Variants in TET3 observed in about 807,000 individuals in gnomAD.
The protein encoded by TET3 is methylcytosine dioxygenase TET3.
Under a neutral mutation model 141.4 loss-of-function variants are expected in TET3, and 19 were observed. The observed-to-expected ratio is 0.13, with a 90% CI of 0.09 to 0.20. The LOEUF (loss-of-function observed/expected upper bound fraction) is 0.20. Ranked by LOEUF, TET3 falls within the 10% of genes least tolerant of loss-of-function variation. The pLI is 1.00. For missense variants in TET3, 1,874 were observed against 2,356.9 expected (o/e 0.80, Z 4.24); for synonymous variants, 1,043 against 980.9 (o/e 1.06, Z -1.18).
chr2:74,097,452 C>T (rs1005539180), intron 10 of TET3, among the ~76,000 whole-genome samples: 7 of 152,006 alleles, frequency 4.6e-5, no homozygotes, highest in African/African-American at 1.5e-4. Flanking sequence ...TAAAATGGGC[C>T]AAGGATTGAT....
chr2:74,089,840 T>C (rs761755139), intron 7 of TET3, 57 bp from the exon 8 acceptor site: 91 of 1,591,158 alleles, frequency 5.7e-5, no homozygotes, highest in Non-Finnish European at 6.9e-5. Flanking sequence ...GGAGGAGGAA[T>C]ACTCCAGAAC....
intron 3 of TET3, among the ~76,000 whole-genome samples, chr2:74,031,235 G>A (rs1433211124): frequency 7.2e-5 from 11 of 152,054 alleles, no homozygotes; most frequent in Non-Finnish European, 5.9e-5. Flanking sequence ...GGACGGAGGA[G>A]GAAAAGGAGA....
chr2:74,018,278 T>C (rs1488538541), intron 3 of TET3, among the ~76,000 whole-genome samples: 3 of 151,812 alleles, frequency 2.0e-5, no homozygotes, highest in Non-Finnish European at 4.4e-5. Flanking sequence ...TCTTCTGTCA[T>C]CTTAAGTGAG....
intron 3 of TET3, among the ~76,000 whole-genome samples, chr2:74,025,007 A>G (rs916250956): frequency 6.6e-6 from 1 of 151,770 alleles, no homozygotes; most frequent in African/African-American, 2.4e-5. Flanking sequence ...GTGGATCATG[A>G]AGTCAGGAGA....
At chr2:74,065,478 T>A (rs1476490519) in intron 4 of TET3, among the ~76,000 whole-genome samples, 1 of 152,074 alleles carries the variant, frequency 6.6e-6, no homozygotes, top group Non-Finnish European at 1.5e-5. Context: ...ACAAGAAATA[T>A]CCAGGGCACA....
rs1427804582 is a variant in TET3, at chr2:74,100,668, C to G, written c.3880C>G (p.Pro1294Ala). ...FSYYGFPSSNPVFPSQFLGPG... is the reference protein window; with the variant it reads ...FSYYGFPSSNAVFPSQFLGPG... Reference sequence around the variant, plus strand: ...CTACTATGGCTTTCCATCCAGCAACCCCGTCTTCCCCTCTCAGTTCCTGGG... The same window carrying G: ...CTACTATGGCTTTCCATCCAGCAACGCCGTCTTCCCCTCTCAGTTCCTGGG... The change falls in exon 12 of 12, where the codon CCC becomes GCC. Residue 1294 changes from proline (P) to alanine (A), a missense_variant. This residue lies in a region of TET3 where 602 missense variants were observed against 590.2 expected (regional missense o/e 1.02). Coordinates refer to ENST00000409262, the MANE Select transcript of TET3 (RefSeq NM_001287491.2). 6.2e-7 allele frequency: 1 copy of G among 1,614,060 alleles called. No individual in the cohort carries two copies. Among genetic ancestry groups the G allele is most frequent in the Admixed American group, 1.7e-5 (1 of 60,032 alleles).
At chr2:74,126,985 C>G in the TET3 span, among the ~76,000 whole-genome samples, 1 of 152,178 alleles carries the variant, frequency 6.6e-6, no homozygotes, top group African/African-American at 2.4e-5. Flanking sequence ...CATGCATAGA[C>G]AGCTACCAAG....
chr2:74,097,118 A>G (rs373949721), intron 10 of TET3, among the ~76,000 whole-genome samples: 8 of 114,872 alleles, frequency 7.0e-5, no homozygotes, highest in African/African-American at 1.5e-4. Flanking sequence ...AAAAGAAAAA[A>G]AAAAAAAGAA....
chr2:74,013,605 C>T (rs993757044), intron 3 of TET3, among the ~76,000 whole-genome samples: 3 of 151,686 alleles, frequency 2.0e-5, no homozygotes, highest in Admixed American at 6.6e-5. Flanking sequence ...GTCAGGAGAT[C>T]GAGACCATCC....
At chr2:74,081,932 C>T (rs536819016) in intron 6 of TET3, among the ~76,000 whole-genome samples, 1 of 152,330 alleles carries the variant, frequency 6.6e-6, no homozygotes, top group East Asian at 1.9e-4. Context: ...GCTGCCCCCA[C>T]CCTCTTGAGA....
intron 8 of TET3, 51 bp from the exon 9 acceptor site, chr2:74,092,851 G>C: frequency 1.3e-6 from 2 of 1,490,830 alleles, no homozygotes; most frequent in Non-Finnish European, 1.8e-6. Context: ...CAGGGTGCAG[G>C]GTCTGCCAGG....
chr2:74,061,137 C>A (rs1230792533), intron 4 of TET3, among the ~76,000 whole-genome samples: 2 of 147,012 alleles, frequency 1.4e-5, no homozygotes, highest in Non-Finnish European at 3.0e-5. Flanking sequence ...GCCGGCCGGG[C>A]GGGGGGCTGA....
rs1319683776 is a variant in TET3 at position 74,002,127 on chromosome 2, A to T, written c.304-983A>T. On this transcript the variant is annotated intron_variant, in intron 2 of 11. Transcript: ENST00000409262. ...TAAGAGTATGGTCTTCAGAGCCGAC[A>T]GACCTGGCTCAGAGTCCCGGCTCTG... 3.3e-5 allele frequency among the ~76,000 whole-genome samples: 5 copies of T among 152,162 alleles called. No individual in the cohort carries two copies. In the East Asian group the frequency reaches 9.7e-4, roughly 29 times the overall value.
intron 4 of TET3, among the ~76,000 whole-genome samples, chr2:74,057,008 T>C (rs1410171958): frequency 6.6e-6 from 1 of 152,140 alleles, no homozygotes; most frequent in African/African-American, 2.4e-5. Flanking sequence ...GCAGAGCATG[T>C]TCCCCATTTG....
chr2:74,123,414 C>T, the TET3 span, among the ~76,000 whole-genome samples: 2 of 152,236 alleles, frequency 1.3e-5, no homozygotes, highest in African/African-American at 4.8e-5. Flanking sequence ...TTCAGGAGAT[C>T]AACACCATCC....
In TET3 at chr2:74,099,431, G is replaced by A; in HGVS notation, c.3423G>A (p.Val1141=). 1 of 1,614,008 alleles carries A rather than the reference G, an allele frequency of 6.2e-7. No homozygotes were observed. The highest frequency in any genetic ancestry group is 8.5e-7 in the Non-Finnish European group (1 of 1,179,890). The change falls in exon 11 of 12, where the codon GTG becomes GTA. Residue 1141 remains valine, a synonymous_variant. Transcript: ENST00000409262. ...AGGTGGGCAGCGGAGCCATCCAGGTGCTCACCGCCTTCCCCCGCGAGGTCC... is the reference window on the plus strand; with the variant it reads ...AGGTGGGCAGCGGAGCCATCCAGGTACTCACCGCCTTCCCCCGCGAGGTCC... ...NAKVGSGAIQ[V]LTAFPREVRR...
intron 3 of TET3, among the ~76,000 whole-genome samples, chr2:74,013,186 G>A (rs1685554461): frequency 6.6e-6 from 1 of 151,834 alleles, no homozygotes; most frequent in African/African-American, 2.4e-5. Flanking sequence ...AGTAGAGATG[G>A]GGTTTCACCA....
rs1438308860 is a variant in TET3, at chr2:74,107,033, A to G, written c.*4857A>G. 5 of 152,248 alleles carry G rather than the reference A, an allele frequency of 3.3e-5. No homozygotes were observed. Among genetic ancestry groups the G allele is most frequent in the Non-Finnish European group, 5.9e-5 (4 of 68,044 alleles). 9.4% of individuals were successfully genotyped at this position (152,248 alleles called of 1,614,324 possible). On this transcript the variant is annotated 3_prime_UTR_variant, in exon 12 of 12. Transcript: ENST00000409262. ...TGCTGTCATTTGAAATGACTCCCTC[A>G]AAACCTAGTTTTATTAGCCAGCTGC...
At chr2:74,120,100 C>T in the TET3 span, among the ~76,000 whole-genome samples, 1 of 152,342 alleles carries the variant, frequency 6.6e-6, no homozygotes, top group Non-Finnish European at 1.5e-5. Flanking sequence ...CCTCCCTTCT[C>T]TTAAGAGCCC....
Sources: allele counts gnomAD v4.1 joint callset (sites outside exome capture counted in the v4.1 genomes callset), GRCh38; gene constraint gnomAD v4.1.1; regional missense constraint gnomAD v4.1.1; transcripts MANE v1.5; gene names NCBI Gene and HGNC (gene_info 2026-07-23, HGNC 2026-07-21).